Variants in MAP4 observed in about 807,000 individuals in gnomAD.
The protein encoded by MAP4 is microtubule associated protein 4.
In MAP4, 76 loss-of-function variants were observed where a neutral mutation model predicts 170.2. The observed-to-expected ratio is 0.45, with a 90% CI of 0.37 to 0.54. MAP4 has a LOEUF of 0.54. Among genes scored for constraint, MAP4 ranks in the 20% least tolerant of loss-of-function variants. MAP4 has a pLI of 0.00. For missense variants in MAP4, 2,506 were observed against 2,748.0 expected, an observed-to-expected ratio of 0.91 and a Z score of 1.97; for synonymous variants, 909 against 994.5, an observed-to-expected ratio of 0.91 and a Z score of 1.62.
At chr3:47,960,619 C>A in intron 3 of MAP4, 1 of 181,280 alleles carries the variant, frequency 5.5e-6, no homozygotes, top group South Asian at 1.5e-4. Flanking sequence ...AGACAATCTT[C>A]AATGCCCACT....
chr3:48,007,338 G>A (rs2100102883), intron 1 of MAP4, among the ~76,000 whole-genome samples: 1 of 152,214 alleles, frequency 6.6e-6, no homozygotes, highest in African/African-American at 2.4e-5. Flanking sequence ...CCACAACCAA[G>A]AAAGAGGCAC....
At chr3:47,951,281 T>A (rs1377564408) in intron 3 of MAP4, among the ~76,000 whole-genome samples, 1 of 152,168 alleles carries the variant, frequency 6.6e-6, no homozygotes, top group African/African-American at 2.4e-5. Context: ...AGAAACTTTT[T>A]AAAGTATCTC....
intron 1 of MAP4, among the ~76,000 whole-genome samples, chr3:48,033,634 T>G (rs2100117286): frequency 6.6e-6 from 1 of 152,194 alleles, no homozygotes; most frequent in Non-Finnish European, 1.5e-5. Context: ...GGAGTCTCGC[T>G]CTGTCACCCA....
chr3:47,969,245 T>G (rs1416473257), intron 3 of MAP4, among the ~76,000 whole-genome samples: 3 of 151,914 alleles, frequency 2.0e-5, no homozygotes, highest in African/African-American at 7.3e-5. Flanking sequence ...CCATCTCTAC[T>G]AAAAACACAA....
chr3:48,082,978 C>T (rs529998541), intron 1 of MAP4, among the ~76,000 whole-genome samples: 3 of 152,022 alleles, frequency 2.0e-5, no homozygotes, highest in Non-Finnish European at 4.4e-5. Context: ...TCTACAAATG[C>T]ATGACCACTC....
chr3:47,915,034 G>C (rs1156345396), intron 7 of MAP4, 95 bp from the exon 8 acceptor site: 8 of 1,481,748 alleles, frequency 5.4e-6, no homozygotes, highest in Non-Finnish European at 4.7e-6. Flanking sequence ...TAGTTTCTGA[G>C]GAGTTCTCCT....
chr3:47,951,706 C>A (rs978347190), intron 3 of MAP4, among the ~76,000 whole-genome samples: 1 of 152,172 alleles, frequency 6.6e-6, no homozygotes, highest in Non-Finnish European at 1.5e-5. Context: ...GCTACAACCT[C>A]CACCTCCCAG....
chr3:47,996,474 G>C (rs2100095700), intron 2 of MAP4, among the ~76,000 whole-genome samples: 1 of 152,110 alleles, frequency 6.6e-6, no homozygotes, highest in Non-Finnish European at 1.5e-5. Flanking sequence ...CTGAGGCACG[G>C]GTACACAGGG....
At chr3:48,000,193 C>G (rs1309248765) in intron 1 of MAP4, among the ~76,000 whole-genome samples, 1 of 124,734 alleles carries the variant, frequency 8.0e-6, no homozygotes, top group South Asian at 2.6e-4. Flanking sequence ...CCAGCATGGG[C>G]GACAGAGGAA....
At chr3:47,959,359 G>A (rs1214515764) in intron 3 of MAP4, among the ~76,000 whole-genome samples, 1 of 151,974 alleles carries the variant, frequency 6.6e-6, no homozygotes, top group African/African-American at 2.4e-5. Context: ...TTGGGAGGCT[G>A]AGAGGCAGGA....
rs1159610627 is a variant in MAP4, at chr3:47,911,701, G to A, written c.2720C>T (p.Pro907Leu). 1 of 1,536,044 alleles carries A rather than the reference G, an allele frequency of 6.5e-7. No homozygotes were observed. Among genetic ancestry groups the A allele is most frequent in the Non-Finnish European group, 8.7e-7 (1 of 1,146,888 alleles). ...KQHEYKPQPA[P>L]HLKTPVDKSQ... ...TTTATCTACAGGAGTCTTCAGGTGGGGTGCAGGCTGTGGTTTGTATTCATG... is the reference window on the plus strand; with the variant it reads ...TTTATCTACAGGAGTCTTCAGGTGGAGTGCAGGCTGTGGTTTGTATTCATG... Residue 907 changes from proline to leucine, a missense_variant, in exon 9 of 21, where the codon CCC becomes CTC. Transcript: ENST00000683076. The surrounding 1 kb of genome is among the most constrained non-coding windows in gnomAD (Gnocchi z 4.0).
chr3:47,856,669 C>T (rs182655824), intron 18 of MAP4, among the ~76,000 whole-genome samples: 101 of 152,346 alleles, frequency 6.6e-4, no homozygotes, highest in African/African-American at 2.3e-3. Context: ...TCAAGTGATC[C>T]GCCCGCTTTG....
In MAP4 at chr3:47,912,089, T is replaced by C; in HGVS notation, c.2332A>G (p.Lys778Glu). 6.5e-7 allele frequency: 1 copy of C among 1,536,154 alleles called. No individual in the cohort carries two copies. Among genetic ancestry groups the C allele is most frequent in the Non-Finnish European group, 8.7e-7 (1 of 1,146,912 alleles). The change falls in exon 9 of 21, where the codon AAG becomes GAG. Residue 778 changes from lysine to glutamate, a missense_variant. By Grantham distance (56) the Lys-to-Glu change is moderately conservative. Coordinates refer to ENST00000683076, the MANE Select transcript of MAP4 (RefSeq NM_001385682.1). Reference sequence around the variant, plus strand: ...CCAGCCCGTGGTTGAGAATATCTCTTTTGCTTTGGTTTCTTCTTCTTTTTC... The same window carrying C: ...CCAGCCCGTGGTTGAGAATATCTCTCTTGCTTTGGTTTCTTCTTCTTTTTC... ...MKKKKKKPKQ[K>E]RYSQPRAGGP...
At chr3:47,994,903 C>T (rs1266153073) in intron 2 of MAP4, among the ~76,000 whole-genome samples, 1 of 150,414 alleles carries the variant, frequency 6.6e-6, no homozygotes, top group Non-Finnish European at 1.5e-5. Context: ...GAGCAGAGAT[C>T]GTGCCACTGC....
intron 2 of MAP4, among the ~76,000 whole-genome samples, chr3:47,983,343 G>A (rs544661524): frequency 8.5e-5 from 13 of 152,152 alleles, no homozygotes; most frequent in Admixed American, 8.5e-4. Context: ...CAAGTATATG[G>A]TGACAACAGG....
intron 1 of MAP4, among the ~76,000 whole-genome samples, chr3:48,061,713 CGTCT>C (rs2100135460): frequency 6.7e-6 from 1 of 149,440 alleles, no homozygotes; most frequent in African/African-American, 2.5e-5. Flanking sequence ...AAGTGAGGAG[CGTCT>C]CCACCCGGCA....
intron 17 of MAP4, among the ~76,000 whole-genome samples, chr3:47,863,458 G>A (rs1470363933): frequency 3.9e-5 from 6 of 151,936 alleles, no homozygotes; most frequent in South Asian, 4.2e-4. Flanking sequence ...CATGTGCGGC[G>A]CCTCCTTCAT....
Position 47,911,902 on chromosome 3 carries a change from C to T in MAP4, c.2519G>A (p.Ser840Asn). 1 of 1,536,084 alleles carries T rather than the reference C, an allele frequency of 6.5e-7. No homozygotes were observed. ...NLKRECLVNSSAARLVAENFV... is the reference protein window; with the variant it reads ...NLKRECLVNSNAARLVAENFV... The stretch of plus-strand genomic sequence containing the variant: ...GTTCTCAGCTACCAGTCTGGCTGCA[C>T]TGGAGTTAACTAAACATTCCCTTTT... Residue 840 changes from serine to asparagine, a missense_variant, in exon 9 of 21, where the codon AGT (serine) becomes AAT (asparagine). Physicochemically the swap from Ser to Asn is conservative, Grantham distance 46. This residue lies in a region of MAP4 where 2,008 missense variants were observed against 2,206.0 expected (regional missense o/e 0.91). Transcript: ENST00000683076. The surrounding 1 kb of genome is among the most constrained non-coding windows in gnomAD (Gnocchi z 4.0).
At chr3:47,941,384 A>G (rs2100056300) in intron 3 of MAP4, among the ~76,000 whole-genome samples, 1 of 152,140 alleles carries the variant, frequency 6.6e-6, no homozygotes, top group Non-Finnish European at 1.5e-5. Flanking sequence ...TTTTCTTCAT[A>G]TACTGCAACC....
Sources: gnomAD v4.1 joint callset for allele counts (sites outside exome capture counted in the v4.1 genomes callset) on GRCh38, gnomAD v4.1.1 for gene constraint, gnomAD v4.1.1 regional missense constraint, Gnocchi (gnomAD v3.1) non-coding constraint, MANE v1.5 for transcripts, NCBI Gene and HGNC (gene_info 2026-07-23, HGNC 2026-07-21) for gene names.